CPS1: variants seen among roughly 807,000 people sequenced by gnomAD.
The protein encoded by CPS1 is carbamoyl-phosphate synthase 1.
A neutral mutation model predicts 174.6 loss-of-function variants in CPS1; 109 were observed. The ratio of observed to expected loss-of-function variants is 0.62; its 90% CI spans 0.53 to 0.73. The LOEUF (loss-of-function observed/expected upper bound fraction) is 0.73. Ranked by LOEUF, CPS1 falls within the 30% of genes least tolerant of loss-of-function variation. CPS1 has a pLI of 0.00. For synonymous variants in CPS1, 637 were observed against 632.0 expected, an observed-to-expected ratio of 1.01 and a Z score of -0.12; for missense variants, 1,689 against 1,821.9, an observed-to-expected ratio of 0.93 and a Z score of 1.33.
At chr2:210,524,341 C>T (rs1695913848) in intron 1 of CPS1, among the ~76,000 whole-genome samples, 1 of 151,856 alleles carries the variant, frequency 6.6e-6, no homozygotes, top group African/African-American at 2.4e-5. Flanking sequence ...TATTTAGAAA[C>T]AAGGTATTAA....
intron 21 of CPS1, among the ~76,000 whole-genome samples, chr2:210,632,013 A>C (rs542412909): frequency 1.3e-5 from 2 of 152,252 alleles, no homozygotes; most frequent in Non-Finnish European, 2.9e-5. Context: ...ATATAAATGG[A>C]GTATTCCCTA....
At chr2:210,538,389 T>C (rs115837354) in intron 1 of CPS1, among the ~76,000 whole-genome samples, 4,709 of 152,146 alleles carry the variant, frequency 0.031, 113 homozygotes, top group Non-Finnish European at 0.047. Context: ...AGAATGGAGG[T>C]TCAGTTGATC....
In CPS1 at chr2:210,578,606, G is replaced by A. The variant is rs76243652; in HGVS notation, c.471+1096G>A. ...GCCTCTCCAATGAGTGTCTATCTAT[G>A]GGGGCTAAACATTGCTGCTTTCTGA... On this transcript the variant is annotated intron_variant, in intron 4 of 37. Coordinates refer to ENST00000233072, the MANE Select transcript of CPS1 (RefSeq NM_001875.5). Among the ~76,000 whole-genome samples, 78 of 152,110 alleles carry A rather than the reference G, an allele frequency of 5.1e-4. 1 individual carries two copies. The East Asian group carries it at 0.014, about 28-fold the overall frequency.
intron 18 of CPS1, 62 bp from the exon 19 acceptor site, chr2:210,608,299 G>A: frequency 6.7e-7 from 1 of 1,484,300 alleles, no homozygotes; most frequent in Non-Finnish European, 9.4e-7. Context: ...ACCAATTTAT[G>A]TTTTGGTCTG....
chr2:210,536,523 T>TC (rs1343002396), intron 1 of CPS1, among the ~76,000 whole-genome samples: 1 of 152,160 alleles, frequency 6.6e-6, no homozygotes, highest in African/African-American at 2.4e-5. Context: ...CGACAGGGTT[T>TC]CACCGTGTTA....
At chr2:210,543,706 T>C (rs1315044132) in intron 1 of CPS1, among the ~76,000 whole-genome samples, 1 of 152,116 alleles carries the variant, frequency 6.6e-6, no homozygotes, top group Non-Finnish European at 1.5e-5. Flanking sequence ...CTCCAATTCA[T>C]TTATATTTCT....
rs796526073 is a variant in CPS1 at position 210,574,684 on chromosome 2, G to A, written c.236+1277G>A. ...TTTTCTTCTCTGTGATAGTTTACAG[G>A]TAATAAATCTTGTCACATCACAAAA... On this transcript the variant is annotated intron_variant, in intron 2 of 37. Coordinates refer to ENST00000233072, the MANE Select transcript of CPS1 (RefSeq NM_001875.5). Among the ~76,000 whole-genome samples, 7 of 152,026 alleles carry A rather than the reference G, an allele frequency of 4.6e-5. No individual in the cohort carries two copies. In the South Asian group the frequency reaches 1.4e-3, roughly 31 times the overall value.
intron 1 of CPS1, among the ~76,000 whole-genome samples, chr2:210,561,168 T>C (rs2106046620): frequency 6.6e-6 from 1 of 152,272 alleles, no homozygotes; most frequent in African/African-American, 2.4e-5. Flanking sequence ...CATAAAACTC[T>C]TGAAAAAACT....
intron 17 of CPS1, 138 bp from the exon 18 acceptor site, chr2:210,606,593 G>A (rs975951902): frequency 2.5e-6 from 2 of 804,516 alleles, no homozygotes; most frequent in Non-Finnish European, 4.2e-6. Flanking sequence ...GGAATTGGGG[G>A]AATACCTGAT....
chr2:210,542,040 A>G (rs542909237), intron 1 of CPS1, among the ~76,000 whole-genome samples: 1 of 152,138 alleles, frequency 6.6e-6, no homozygotes, highest in South Asian at 2.1e-4. Context: ...GATCTCATAT[A>G]CTCAAGTATT....
At chr2:210,643,359 T>A (rs1700284342) in intron 25 of CPS1, among the ~76,000 whole-genome samples, 1 of 152,174 alleles carries the variant, frequency 6.6e-6, no homozygotes, top group Non-Finnish European at 1.5e-5. Context: ...TTTAGTGATG[T>A]CCAGTAGTTA....
chr2:210,650,669 G>C (rs1262219913), intron 28 of CPS1, among the ~76,000 whole-genome samples: 1 of 152,102 alleles, frequency 6.6e-6, no homozygotes, highest in African/African-American at 2.4e-5. Flanking sequence ...TTTAAGGTTG[G>C]TGGAAAAAGA....
chr2:210,549,795 T>C (rs1453919174), intron 1 of CPS1, among the ~76,000 whole-genome samples: 1 of 152,024 alleles, frequency 6.6e-6, no homozygotes, highest in Non-Finnish European at 1.5e-5. Context: ...AAAACATCTT[T>C]CAGCAGAAAG....
In CPS1 at chr2:210,654,105, A is replaced by C; in HGVS notation, c.3558+3A>C. 6.2e-7 allele frequency: 1 copy of C among 1,613,498 alleles called. No homozygotes were observed. The highest frequency in any genetic ancestry group is 8.5e-7 in the Non-Finnish European group (1 of 1,179,426). On this transcript the variant is annotated splice_donor_region_variant and intron_variant, in intron 29 of 37. Transcript: ENST00000233072. ...ACGCTGTTGGCAAAGATGGAAGGGT[A>C]AGTGCTTTATTCTCATCTCCTTCAT... is the stretch of plus-strand genomic sequence containing the variant.
intron 16 of CPS1, among the ~76,000 whole-genome samples, chr2:210,604,559 A>G (rs1043201989): frequency 3.9e-5 from 6 of 152,082 alleles, no homozygotes; most frequent in African/African-American, 1.2e-4. Context: ...CCATAATAAT[A>G]GTCCCATATG....
chr2:210,604,617 C>T (rs751181378), intron 16 of CPS1, among the ~76,000 whole-genome samples: 2 of 151,916 alleles, frequency 1.3e-5, no homozygotes, highest in Non-Finnish European at 2.9e-5. Flanking sequence ...TAACCGTTTA[C>T]AACCATCATC....
chr2:210,519,845 G>A (rs1695775702), intron 1 of CPS1: 1 of 951,172 alleles, frequency 1.1e-6, no homozygotes, highest in African/African-American at 1.8e-5. Flanking sequence ...ATGAAAAAAT[G>A]GCTTTGTTCT....
chr2:210,678,299 T>A lies in CPS1; in HGVS notation c.*314T>A, dbSNP rs115293884. ...TGGTGCTGATTAATGGTGATCAAGG[T>A]AGGAAAAGTTGCTGTTCTATTTTCT... On this transcript the variant is annotated 3_prime_UTR_variant, in exon 38 of 38. Coordinates refer to ENST00000233072, the MANE Select transcript of CPS1 (RefSeq NM_001875.5). 2.7e-3 allele frequency: 1,060 copies of A among 396,674 alleles called. 12 individuals carry two copies. The highest frequency in any genetic ancestry group is 0.02 in the African/African-American group (987 of 48,914). The allele number at this position is 396,674 out of a possible 1,614,324, so 24.6% of individuals were successfully genotyped here.
chr2:210,611,983 TTA>T, intron 19 of CPS1, 132 bp from the exon 20 acceptor site: 2 of 823,056 alleles, frequency 2.4e-6, no homozygotes, highest in Admixed American at 2.7e-5. Flanking sequence ...TTTTTTTTTT[TTA>T]ATTTGAGAGG....
Sources: allele counts gnomAD v4.1 joint callset (sites outside exome capture counted in the v4.1 genomes callset), GRCh38; gene constraint gnomAD v4.1.1; transcripts MANE v1.5; gene names NCBI Gene and HGNC (gene_info 2026-07-23, HGNC 2026-07-21).